Variants in FRMD3 observed in about 807,000 individuals in gnomAD.
FRMD3 encodes FERM domain containing 3.
A neutral mutation model predicts 70.2 loss-of-function variants in FRMD3; 33 were observed. The observed-to-expected ratio is 0.47, with a 90% CI of 0.36 to 0.63. The LOEUF is 0.63. FRMD3 is among the 20% of genes least tolerant of loss of function. The probability of loss-of-function intolerance (pLI) is 0.00; values close to 1 mark genes in which losing one functional copy is unlikely to be tolerated. For missense variants in FRMD3, 632 were observed against 711.4 expected (o/e 0.89, Z 1.27); for synonymous variants, 279 against 255.9 (o/e 1.09, Z -0.86).
intron 13 of FRMD3, among the ~76,000 whole-genome samples, chr9:83,249,287 G>T (rs991846983): frequency 1.3e-4 from 20 of 152,154 alleles, no homozygotes; most frequent in African/African-American, 4.8e-4. Flanking sequence ...TAATCAAAGG[G>T]TAAGAACTTT....
intron 3 of FRMD3, among the ~76,000 whole-genome samples, chr9:83,366,240 G>A (rs1224294032): frequency 6.6e-6 from 1 of 152,080 alleles, no homozygotes; most frequent in Non-Finnish European, 1.5e-5. Context: ...ATTATGTATT[G>A]ACTGAGCGAT....
At position 83,424,507 on chromosome 9, in the gene FRMD3, C is replaced by T. The variant is rs191858304; in HGVS notation, c.148-34799G>A. Among the ~76,000 whole-genome samples the T allele has an allele frequency of 8.5e-5, 13 of 152,238 alleles. No individual in the cohort carries two copies. The South Asian group carries it at 1.0e-3, about 12-fold the overall frequency. On this transcript the variant is annotated intron_variant, in intron 1 of 13. Transcript: ENST00000304195. ...AAGATAAGAGCAGCCCTTGTACATTCGGACACAATGGTATCTTAAAGAGAA... is the reference window on the plus strand; with the variant it reads ...AAGATAAGAGCAGCCCTTGTACATTTGGACACAATGGTATCTTAAAGAGAA...
rs536308249 is a variant in FRMD3 at position 83,530,278 on chromosome 9, G to T, written c.147+7807C>A. Among the ~76,000 whole-genome samples the T allele has an allele frequency of 2.0e-5, 3 of 152,302 alleles. No homozygotes were observed. The East Asian group carries it at 5.8e-4, about 29-fold the overall frequency. ...GATCAACAAAATGTGATATATCTAT[G>T]CAATGGACTGGACTACTATTCAACA... On this transcript the variant is annotated intron_variant, in intron 1 of 13. Coordinates refer to ENST00000304195, the MANE Select transcript of FRMD3 (RefSeq NM_174938.6).
intron 1 of FRMD3, among the ~76,000 whole-genome samples, chr9:83,401,441 A>G (rs998357134): frequency 6.6e-6 from 1 of 152,226 alleles, no homozygotes; most frequent in Admixed American, 6.5e-5. Flanking sequence ...AGAATTTTAG[A>G]TGAAATAATA....
the FRMD3 span, among the ~76,000 whole-genome samples, chr9:83,575,409 G>A: frequency 6.6e-6 from 1 of 152,244 alleles, no homozygotes; most frequent in Non-Finnish European, 1.5e-5. Flanking sequence ...GCTTCTGAGA[G>A]CTTCTGAGTT....
At chr9:83,438,778 G>T (rs1453951124) in intron 1 of FRMD3, among the ~76,000 whole-genome samples, 1 of 152,188 alleles carries the variant, frequency 6.6e-6, no homozygotes, top group African/African-American at 2.4e-5. Context: ...AAACAACCTC[G>T]CTGGGTGCAA....
chr9:83,493,284 G>A (rs1828871026), intron 1 of FRMD3, among the ~76,000 whole-genome samples: 1 of 152,186 alleles, frequency 6.6e-6, no homozygotes, highest in Non-Finnish European at 1.5e-5. Flanking sequence ...CCCTCCACCA[G>A]AACTTCCTCA....
the FRMD3 span, among the ~76,000 whole-genome samples, chr9:83,580,210 A>G: frequency 6.6e-6 from 1 of 152,044 alleles, no homozygotes; most frequent in Non-Finnish European, 1.5e-5. Context: ...AGCCATCATG[A>G]AAAAATTGTG....
intron 1 of FRMD3, among the ~76,000 whole-genome samples, chr9:83,423,885 G>A (rs553475968): frequency 1.3e-5 from 2 of 151,870 alleles, no homozygotes; most frequent in Non-Finnish European, 2.9e-5. Flanking sequence ...CATGAGCCGC[G>A]GCCCCGAGCT....
chr9:83,509,161 A>G (rs1452837647), intron 1 of FRMD3, among the ~76,000 whole-genome samples: 2 of 152,198 alleles, frequency 1.3e-5, no homozygotes, highest in Non-Finnish European at 2.9e-5. Context: ...CTGTATCCCT[A>G]GCACCTCAAG....
In FRMD3 at chr9:83,245,350, A is replaced by G; in HGVS notation, c.*2568T>C. 1.0e-6 allele frequency: 1 copy of G among 985,430 alleles called. No homozygotes were observed. The allele number at this position is 985,430 out of a possible 1,614,324, so 61.0% of individuals were successfully genotyped here. On this transcript the variant is annotated 3_prime_UTR_variant, in exon 14 of 14. Coordinates refer to ENST00000304195, the MANE Select transcript of FRMD3 (RefSeq NM_174938.6). Reference sequence around the variant, plus strand: ...CAACTGGTGACTATCTTCTAACAAAACTTAAATGGATGTTTCTAAAAGGCT... The same window carrying G: ...CAACTGGTGACTATCTTCTAACAAAGCTTAAATGGATGTTTCTAAAAGGCT...
intron 4 of FRMD3, among the ~76,000 whole-genome samples, chr9:83,345,706 G>A (rs935653925): frequency 4.6e-5 from 7 of 152,038 alleles, no homozygotes; most frequent in African/African-American, 1.5e-4. Flanking sequence ...ACAGTGAGCC[G>A]AGATCGCACC....
chr9:83,384,323 T>G (rs970990423), intron 2 of FRMD3, among the ~76,000 whole-genome samples: 2 of 152,136 alleles, frequency 1.3e-5, no homozygotes, highest in African/African-American at 4.8e-5. Flanking sequence ...AGCTGTGAAG[T>G]AATTATCCCG....
At chr9:83,562,825 T>C in the FRMD3 span, among the ~76,000 whole-genome samples, 27,914 of 152,114 alleles carry the variant, frequency 0.18, 2,780 homozygotes, top group East Asian at 0.39. Flanking sequence ...CTTAGATCCT[T>C]TCATTTCGGA....
chr9:83,460,725 T>C (rs1243181729), intron 1 of FRMD3, among the ~76,000 whole-genome samples: 1 of 152,250 alleles, frequency 6.6e-6, no homozygotes, highest in African/African-American at 2.4e-5. Flanking sequence ...AAAAGACTAA[T>C]TTCCATCCTT....
chr9:83,433,524 T>C (rs1010732254), intron 1 of FRMD3, among the ~76,000 whole-genome samples: 2 of 152,230 alleles, frequency 1.3e-5, no homozygotes, highest in Non-Finnish European at 2.9e-5. Context: ...GTGGGGTGGT[T>C]TCAGGATGAC....
At chr9:83,440,052 CAGA>C (rs946528271) in intron 1 of FRMD3, among the ~76,000 whole-genome samples, 5 of 152,170 alleles carry the variant, frequency 3.3e-5, no homozygotes, top group Non-Finnish European at 7.3e-5. Flanking sequence ...TTACAAAAAC[CAGA>C]AGAAGTCTTG....
At position 83,248,477 on chromosome 9, in the gene FRMD3, A is replaced by G. The variant is rs201035156; in HGVS notation, c.1235T>C (p.Leu412Ser). 354 of 1,612,638 alleles carry G rather than the reference A, an allele frequency of 2.2e-4. 1 individual carries two copies. In the African/African-American group the frequency reaches 4.3e-3, roughly 20 times the overall value. The change falls in exon 14 of 14, where the codon TTG becomes TCG. Residue 412 changes from leucine to serine, a missense_variant. Around this residue, in one of 3 missense-constraint regions of FRMD3, gnomAD observed 418 missense variants for 442.1 expected, o/e 0.95. Transcript: ENST00000304195. ...LPKEENISAP[L>S]ISSSPVKAAR... ...TGCCTTCACTGGGGAGCTGGAGATC[A>G]AGGGAGCAGAAATGTTCTCCTCTTT...
chr9:83,270,107 TCAACTGAACAGTATCAGTAGCA>T (rs1340932624), intron 13 of FRMD3, among the ~76,000 whole-genome samples: 1 of 152,236 alleles, frequency 6.6e-6, no homozygotes, highest in East Asian at 1.9e-4. Flanking sequence ...GCCACTGTGC[TCAACTGAACAGTATCAGTAGCA>T]CAACATTTGG....
Sources: gnomAD v4.1 joint callset for allele counts (sites outside exome capture counted in the v4.1 genomes callset) on GRCh38, gnomAD v4.1.1 for gene constraint, gnomAD v4.1.1 regional missense constraint, MANE v1.5 for transcripts, NCBI Gene and HGNC (gene_info 2026-07-23, HGNC 2026-07-21) for gene names.